TRIM5: variants seen among roughly 807,000 people sequenced by gnomAD.
TRIM5 encodes tripartite motif containing 5.
TRIM5 carries 31 observed loss-of-function variants against 35.6 expected under a neutral mutation model. The ratio of observed to expected loss-of-function variants is 0.87; its 90% CI spans 0.65 to 1.18. The LOEUF is 1.18. Ranked by LOEUF, TRIM5 falls within the 50% of genes most tolerant of loss-of-function variation. The pLI is 0.00. For synonymous variants in TRIM5, 243 were observed against 215.6 expected, an observed-to-expected ratio of 1.13 and a Z score of -1.11; for missense variants, 609 against 591.6, an observed-to-expected ratio of 1.03 and a Z score of -0.31.
intron 3 of TRIM5, 80 bp from the exon 4 acceptor site, chr11:5,678,514 G>C: frequency 8.2e-7 from 1 of 1,215,696 alleles, no homozygotes. Context: ...TGTTTCTTTT[G>C]GGGAGTTCTC....
the TRIM5 span, among the ~76,000 whole-genome samples, chr11:5,607,316 T>A: frequency 6.6e-6 from 1 of 152,200 alleles, no homozygotes; most frequent in Non-Finnish European, 1.5e-5. Flanking sequence ...TTTCAGTTCC[T>A]CAGTACAGCC....
chr11:5,617,264 A>T, the TRIM5 span, among the ~76,000 whole-genome samples: 1 of 144,562 alleles, frequency 6.9e-6, no homozygotes, highest in African/African-American at 2.5e-5. Context: ...ATAGAACTGC[A>T]AGTTTAAGGC....
chr11:5,667,246 G>A (rs534152714), intron 5 of TRIM5, among the ~76,000 whole-genome samples: 6 of 151,222 alleles, frequency 4.0e-5, no homozygotes, highest in Admixed American at 1.3e-4. Flanking sequence ...TCACTTTGTC[G>A]CCCAGACTGG....
the TRIM5 span, among the ~76,000 whole-genome samples, chr11:5,621,525 A>G: frequency 2.0e-5 from 3 of 152,240 alleles, no homozygotes; most frequent in African/African-American, 4.8e-5. Flanking sequence ...CCAGAAGCAC[A>G]GCTCAGCTGA....
At chr11:5,641,164 TA>T in the TRIM5 span, 1 of 1,613,710 alleles carries the variant, frequency 6.2e-7, no homozygotes, top group Non-Finnish European at 8.5e-7. Context: ...CTTTTCTTTC[TA>T]GGACATGAGT....
At chr11:5,602,157 T>C in the TRIM5 span, among the ~76,000 whole-genome samples, 2 of 152,256 alleles carry the variant, frequency 1.3e-5, no homozygotes, top group African/African-American at 4.8e-5. Flanking sequence ...AGAAGTAAAA[T>C]AGACCGGGTG....
At chr11:5,652,825 G>A in the TRIM5 span, among the ~76,000 whole-genome samples, 1 of 149,286 alleles carries the variant, frequency 6.7e-6, no homozygotes, top group East Asian at 2.0e-4. Flanking sequence ...ATTTGTTTGT[G>A]TTAATCTCTG....
the TRIM5 span, among the ~76,000 whole-genome samples, chr11:5,656,756 A>G: frequency 6.6e-6 from 1 of 152,228 alleles, no homozygotes; most frequent in Non-Finnish European, 1.5e-5. Context: ...CAAAACCACA[A>G]TGAGATACCA....
the TRIM5 span, chr11:5,608,480 C>A: frequency 1.3e-6 from 2 of 1,585,350 alleles, no homozygotes; most frequent in South Asian, 1.1e-5. Flanking sequence ...GAAGAAGAAT[C>A]AGAGTGGGGA....
the TRIM5 span, chr11:5,633,757 A>C: frequency 6.4e-7 from 1 of 1,572,554 alleles, no homozygotes; most frequent in Non-Finnish European, 8.6e-7. Context: ...CTATCCAGAT[A>C]CTAAGAAAGC....
chr11:5,594,668 A>G, the TRIM5 span, among the ~76,000 whole-genome samples: 14 of 152,166 alleles, frequency 9.2e-5, no homozygotes, highest in Admixed American at 7.2e-4. Context: ...TGACAAGACT[A>G]TGGAGCCTGT....
At chr11:5,635,248 C>G in the TRIM5 span, among the ~76,000 whole-genome samples, 1 of 142,406 alleles carries the variant, frequency 7.0e-6, no homozygotes, top group African/African-American at 2.6e-5. Flanking sequence ...CAAATGTTCC[C>G]TGTTAATTTT....
chr11:5,648,362 C>T, the TRIM5 span, among the ~76,000 whole-genome samples: 4 of 152,018 alleles, frequency 2.6e-5, no homozygotes, highest in Admixed American at 6.6e-5. Flanking sequence ...AAAAATTAGC[C>T]GGGCGTGGTG....
At chr11:5,656,449 G>A in the TRIM5 span, among the ~76,000 whole-genome samples, 1 of 151,586 alleles carries the variant, frequency 6.6e-6, no homozygotes, top group African/African-American at 2.4e-5. Context: ...TGCCTCCCAG[G>A]TTCAAGCAAT....
At chr11:5,665,870 T>C (rs1402953228) in intron 6 of TRIM5, 111 bp downstream of exon 6, 25 of 1,242,642 alleles carry the variant, frequency 2.0e-5, no homozygotes, top group Non-Finnish European at 2.7e-5. Flanking sequence ...AGACAATATC[T>C]ATCCTCCCCT....
At chr11:5,589,649 G>C in the TRIM5 span, 1 of 151,744 alleles carries the variant, frequency 6.6e-6, no homozygotes, top group Admixed American at 6.6e-5. Flanking sequence ...CAGAAATCAG[G>C]CTAAAACAAA....
chr11:5,665,706 A>G, intron 6 of TRIM5, 24 bp from the exon 7 acceptor site: 1 of 1,500,020 alleles, frequency 6.7e-7, no homozygotes, highest in East Asian at 2.3e-5. Context: ...AATGCACAAT[A>G]TTGAATACAA....
At position 5,663,437 on chromosome 11, in the gene TRIM5, G is replaced by A. The variant is rs76663679; in HGVS notation, c.*1372C>T. The stretch of plus-strand genomic sequence containing the variant: ...GTAGTATCTGAGATCTAAAAAATGA[G>A]AATTTAGTAAATCCAATCCTAGTTT... On this transcript the variant is annotated 3_prime_UTR_variant, in exon 8 of 8. Coordinates refer to ENST00000380034, the MANE Select transcript of TRIM5 (RefSeq NM_033034.3). 2,025 of 985,038 alleles carry A rather than the reference G, an allele frequency of 2.1e-3. 35 individuals are homozygous for A. The African/African-American group carries it at 0.031, about 15-fold the overall frequency. The allele number at this position is 985,038 out of a possible 1,614,324, so 61.0% of individuals were successfully genotyped here.
At chr11:5,616,837 T>A in the TRIM5 span, among the ~76,000 whole-genome samples, 1,097 of 142,226 alleles carry the variant, frequency 7.7e-3, 92 homozygotes, top group African/African-American at 0.026. Context: ...CCTCCTGGGT[T>A]CAAGCGATTC....
Sources: allele counts gnomAD v4.1 joint callset (sites outside exome capture counted in the v4.1 genomes callset), GRCh38; gene constraint gnomAD v4.1.1; transcripts MANE v1.5; gene names NCBI Gene and HGNC (gene_info 2026-07-23, HGNC 2026-07-21).